The following MEMO1 variants were observed in gnomAD, a reference collection of about 807,000 sequenced individuals.
The protein encoded by MEMO1 is mediator of cell motility 1, also known as protein MEMO1.
Under a neutral mutation model 45.2 loss-of-function variants are expected in MEMO1, and 6 were observed. The ratio of observed to expected loss-of-function variants is 0.13; its 90% CI spans 0.07 to 0.26. The LOEUF (loss-of-function observed/expected upper bound fraction) is 0.26. Among genes scored for constraint, MEMO1 ranks in the 10% least tolerant of loss-of-function variants. The pLI is 1.00. For synonymous variants in MEMO1, 78 were observed against 124.3 expected (o/e 0.63, Z 2.48); for missense variants, 184 against 370.5 (o/e 0.50, Z 4.13).
chr2:31,911,060 T>C (rs563474417), intron 6 of MEMO1, among the ~76,000 whole-genome samples: 3 of 150,278 alleles, frequency 2.0e-5, no homozygotes, highest in African/African-American at 4.9e-5. Context: ...GGGGAGAAGA[T>C]TGGCAATGAT....
At chr2:32,010,089 G>T in intron 2 of MEMO1, 98 bp downstream of exon 2, 1 of 565,656 alleles carries the variant, frequency 1.8e-6, no homozygotes, top group Non-Finnish European at 2.2e-6. Context: ...CCTCTTCCCC[G>T]CCCGCCGCCG....
chr2:32,004,970 T>C (rs376099371), intron 2 of MEMO1, among the ~76,000 whole-genome samples: 1 of 149,804 alleles, frequency 6.7e-6, no homozygotes, highest in African/African-American at 2.4e-5. Flanking sequence ...CATGATCTAA[T>C]CACTCCACCC....
At chr2:31,970,895 G>C (rs1198842723) in intron 2 of MEMO1, among the ~76,000 whole-genome samples, 6 of 152,130 alleles carry the variant, frequency 3.9e-5, no homozygotes, top group Admixed American at 2.6e-4. Context: ...TCCCAGCTAC[G>C]TAGGAGGCTG....
At chr2:31,950,902 T>TA (rs963204045) in intron 2 of MEMO1, among the ~76,000 whole-genome samples, 3 of 152,184 alleles carry the variant, frequency 2.0e-5, no homozygotes, top group African/African-American at 4.8e-5. Flanking sequence ...GCTTTTTACT[T>TA]AGAGTCATCA....
intron 2 of MEMO1, among the ~76,000 whole-genome samples, chr2:31,964,618 T>C (rs931985962): frequency 6.6e-6 from 1 of 151,990 alleles, no homozygotes; most frequent in African/African-American, 2.4e-5. Context: ...AGAGAATCAC[T>C]TGCACCTGGG....
intron 2 of MEMO1, among the ~76,000 whole-genome samples, chr2:31,975,893 TTTTTC>T (rs1669950264): frequency 6.6e-6 from 1 of 152,156 alleles, no homozygotes; most frequent in African/African-American, 2.4e-5. Flanking sequence ...GTAAATTTCC[TTTTTC>T]TTTTCTTTGC....
chr2:31,884,756 A>G (rs1675932946), intron 7 of MEMO1, among the ~76,000 whole-genome samples: 1 of 152,166 alleles, frequency 6.6e-6, no homozygotes. Context: ...TAATTACTCA[A>G]TGTAGCAGTC....
chr2:31,974,547 C>A (rs552686368), intron 2 of MEMO1, among the ~76,000 whole-genome samples: 13 of 152,190 alleles, frequency 8.5e-5, no homozygotes, highest in Admixed American at 8.5e-4. Context: ...CAGATGGAGA[C>A]CATCCTGGCC....
intron 7 of MEMO1, among the ~76,000 whole-genome samples, chr2:31,883,961 A>C (rs1357210497): frequency 6.6e-6 from 1 of 151,722 alleles, no homozygotes; most frequent in Non-Finnish European, 1.5e-5. Flanking sequence ...TTTATGAAGT[A>C]AATTTTTTAA....
At chr2:31,951,556 G>A (rs1184008936) in intron 2 of MEMO1, among the ~76,000 whole-genome samples, 3 of 149,336 alleles carry the variant, frequency 2.0e-5, no homozygotes, top group Admixed American at 6.7e-5. Context: ...TTATTGAGAC[G>A]GACTCTCACT....
intron 2 of MEMO1, among the ~76,000 whole-genome samples, chr2:31,967,092 C>A (rs1414590092): frequency 2.6e-5 from 4 of 151,452 alleles, no homozygotes; most frequent in Non-Finnish European, 5.9e-5. Context: ...TTAATAGGTC[C>A]CAATCATTTA....
chr2:31,974,375 G>C (rs544712227), intron 2 of MEMO1, among the ~76,000 whole-genome samples: 79 of 152,228 alleles, frequency 5.2e-4, no homozygotes, highest in African/African-American at 1.7e-3. Context: ...ACTTATCCCT[G>C]ACAAGATGGT....
chr2:31,873,824 A>C (rs1277161729), intron 8 of MEMO1, among the ~76,000 whole-genome samples: 2 of 152,104 alleles, frequency 1.3e-5, no homozygotes, highest in African/African-American at 4.8e-5. Flanking sequence ...AGTTTCTTTA[A>C]GAGGTATCAA....
chr2:31,906,090 A>T (rs1904489), intron 6 of MEMO1, among the ~76,000 whole-genome samples: 68,489 of 150,736 alleles, frequency 0.45, 15,771 homozygotes, highest in Admixed American at 0.49. Context: ...CTCCTGCCTC[A>T]GCCTCCCGAG....
At chr2:32,003,912 G>C (rs182001254) in intron 2 of MEMO1, among the ~76,000 whole-genome samples, 77 of 152,290 alleles carry the variant, frequency 5.1e-4, no homozygotes, top group African/African-American at 1.4e-3. Context: ...AATTAGCCAA[G>C]GATGATGGCG....
At chr2:31,977,674 C>T (rs1670167076) in intron 2 of MEMO1, among the ~76,000 whole-genome samples, 1 of 151,984 alleles carries the variant, frequency 6.6e-6, no homozygotes, top group African/African-American at 2.4e-5. Context: ...CCACCACTGC[C>T]ACCGCCACCA....
intron 2 of MEMO1, among the ~76,000 whole-genome samples, chr2:31,964,190 T>C (rs1458451902): frequency 6.6e-6 from 1 of 151,920 alleles, no homozygotes; most frequent in Admixed American, 6.6e-5. Context: ...CTCCACGGTA[T>C]GAGGATGTCT....
chr2:31,897,408 T>A (rs1023668565), intron 6 of MEMO1, among the ~76,000 whole-genome samples: 5 of 152,202 alleles, frequency 3.3e-5, no homozygotes, highest in Admixed American at 6.5e-5. Context: ...TCTAGTTTAT[T>A]GAGAGATTTT....
chr2:31,935,964 A>T (rs945217439), intron 3 of MEMO1, among the ~76,000 whole-genome samples: 4 of 151,492 alleles, frequency 2.6e-5, no homozygotes, highest in African/African-American at 9.7e-5. Context: ...TTTTATTTTT[A>T]TTTATTTATT....
Sources: allele counts gnomAD v4.1 joint callset (sites outside exome capture counted in the v4.1 genomes callset), GRCh38; gene constraint gnomAD v4.1.1; transcripts MANE v1.5; gene names NCBI Gene and HGNC (gene_info 2026-07-23, HGNC 2026-07-21).